Variants in SLC28A1 observed in about 807,000 individuals in gnomAD.
SLC28A1 encodes solute carrier family 28 member 1.
SLC28A1 carries 64 observed loss-of-function variants against 74.8 expected under a neutral mutation model. The ratio of observed to expected loss-of-function variants is 0.86; its 90% CI spans 0.70 to 1.05. The LOEUF (loss-of-function observed/expected upper bound fraction) is 1.05. Ranked by LOEUF, SLC28A1 falls within the 50% of genes least tolerant of loss-of-function variation. The pLI is 0.00. For missense variants in SLC28A1, 828 were observed against 822.8 expected (o/e 1.01, Z -0.08); for synonymous variants, 359 against 335.0 (o/e 1.07, Z -0.78).
At chr15:84,903,945 G>A in intron 6 of SLC28A1, 152 bp from the exon 7 acceptor site, 1 of 994,968 alleles carries the variant, frequency 1.0e-6, no homozygotes, top group Non-Finnish European at 1.5e-6. Context: ...CCCAGCATGT[G>A]GTTCCAGAGC....
the SLC28A1 span, among the ~76,000 whole-genome samples, chr15:84,961,023 C>T: frequency 1.3e-5 from 2 of 152,084 alleles, no homozygotes; most frequent in Non-Finnish European, 2.9e-5. Context: ...GGTTGAGTTC[C>T]GGCTCCACTT....
At chr15:84,918,477 A>C (rs1233840442) in intron 9 of SLC28A1, 47 bp from the exon 10 acceptor site, 1 of 1,513,290 alleles carries the variant, frequency 6.6e-7, no homozygotes, top group Non-Finnish European at 9.2e-7. Context: ...GGCACCCTGC[A>C]TCCTGCCTGC....
intron 6 of SLC28A1, among the ~76,000 whole-genome samples, chr15:84,901,669 C>T (rs1966707455): frequency 6.6e-6 from 1 of 152,146 alleles, no homozygotes; most frequent in African/African-American, 2.4e-5. Context: ...AGAGATATTA[C>T]CATATGCTGA....
At chr15:84,915,651 C>T (rs961109114) in intron 9 of SLC28A1, among the ~76,000 whole-genome samples, 3 of 152,160 alleles carry the variant, frequency 2.0e-5, no homozygotes, top group Non-Finnish European at 2.9e-5. Context: ...GTTGCTAAGT[C>T]CCAGGGGTCT....
intron 8 of SLC28A1, among the ~76,000 whole-genome samples, chr15:84,907,347 G>C (rs544510322): frequency 6.6e-6 from 1 of 152,186 alleles, no homozygotes; most frequent in African/African-American, 2.4e-5. Flanking sequence ...TATGAGACTA[G>C]CTAATTTTTC....
chr15:84,930,581 T>C (rs755809567), intron 12 of SLC28A1, among the ~76,000 whole-genome samples: 3 of 150,582 alleles, frequency 2.0e-5, no homozygotes, highest in Non-Finnish European at 4.4e-5. Flanking sequence ...TTCCCTGAGA[T>C]GGTAATGAGG....
At chr15:84,926,893 C>T (rs2141958038) in intron 12 of SLC28A1, among the ~76,000 whole-genome samples, 1 of 152,160 alleles carries the variant, frequency 6.6e-6, no homozygotes. Context: ...TCATCTCTGT[C>T]CCTGGGGATG....
chr15:84,920,703 G>GT (rs113735505), intron 10 of SLC28A1, among the ~76,000 whole-genome samples: 2 of 137,282 alleles, frequency 1.5e-5, no homozygotes, highest in African/African-American at 5.1e-5. Context: ...ATCTCCAAGG[G>GT]GTGTGTGTGT....
chr15:84,900,972 C>T (rs1455823578), intron 6 of SLC28A1, among the ~76,000 whole-genome samples: 2 of 152,102 alleles, frequency 1.3e-5, no homozygotes, highest in African/African-American at 4.8e-5. Flanking sequence ...GCCTGTAATC[C>T]CAGCACTTTG....
the SLC28A1 span, among the ~76,000 whole-genome samples, chr15:84,960,846 A>G: frequency 6.6e-6 from 1 of 151,332 alleles, no homozygotes; most frequent in African/African-American, 2.4e-5. Context: ...TTGCTTTATA[A>G]ATCTTTTCTT....
chr15:84,968,900 A>G, the SLC28A1 span, among the ~76,000 whole-genome samples: 422 of 152,276 alleles, frequency 2.8e-3, 3 homozygotes, highest in African/African-American at 9.3e-3. Context: ...AGCCCAGCCC[A>G]TCAGCCCGGG....
chr15:84,944,498 C>G, intron 16 of SLC28A1, 68 bp from the exon 17 acceptor site: 1 of 1,075,946 alleles, frequency 9.3e-7, no homozygotes, highest in Non-Finnish European at 1.4e-6. Flanking sequence ...AGATGCAGCC[C>G]GAGCTGCGGA....
intron 6 of SLC28A1, among the ~76,000 whole-genome samples, chr15:84,897,639 A>T (rs768078603): frequency 6.6e-6 from 1 of 152,202 alleles, no homozygotes; most frequent in Non-Finnish European, 1.5e-5. Flanking sequence ...TTATGTTAGA[A>T]CTATTCAAAT....
At chr15:84,895,496 G>A (rs1004088991) in intron 6 of SLC28A1, 27 of 1,595,474 alleles carry the variant, frequency 1.7e-5, no homozygotes, top group Middle Eastern at 2.1e-4. Flanking sequence ...AGGCTCGATC[G>A]GGGTCCAGGT....
At chr15:84,886,236 T>C (rs1472202297) in intron 1 of SLC28A1, 1 of 985,326 alleles carries the variant, frequency 1.0e-6, no homozygotes, top group East Asian at 1.1e-4. Context: ...CTACACTGCT[T>C]TCCTCATTTT....
chr15:84,972,055 C>G, the SLC28A1 span, among the ~76,000 whole-genome samples: 1 of 152,222 alleles, frequency 6.6e-6, no homozygotes, highest in African/African-American at 2.4e-5. Flanking sequence ...TTCCAGGCAC[C>G]CATACATGTC....
At position 84,935,087 on chromosome 15, in the gene SLC28A1, G is replaced by C. The variant is rs756560777; in HGVS notation, c.1276G>C (p.Ala426Pro). 2 of 1,614,010 alleles carry C rather than the reference G, an allele frequency of 1.2e-6. No homozygotes were observed. The highest frequency in any genetic ancestry group is 1.7e-6 in the Non-Finnish European group (2 of 1,179,872). Residue 426 changes from alanine (A) to proline (P), a missense_variant, in exon 14 of 19, where the codon GCC becomes CCC. Coordinates refer to ENST00000394573, the MANE Select transcript of SLC28A1 (RefSeq NM_004213.5). ...GGCCGCCATCTCCGTGAAGGTGGTC[G>C]CCAACATCGCTGCCAACCTGATTGC... ...TGAAISVKVV[A>P]NIAANLIAFL...
chr15:84,935,520 T>A lies in SLC28A1; in HGVS notation c.1581+2T>A. 1 of 1,611,974 alleles carries A rather than the reference T, an allele frequency of 6.2e-7. No individual in the cohort carries two copies. Among genetic ancestry groups the A allele is most frequent in the Non-Finnish European group, 8.5e-7 (1 of 1,179,324 alleles). ...GGCGACAGGAAGCAGTGGATCTCCG[T>A]GAGTGTCCCAGTCCCTTCCCTGCAG... On this transcript the variant is annotated splice_donor_variant, in intron 15 of 18. Coordinates refer to ENST00000394573, the MANE Select transcript of SLC28A1 (RefSeq NM_004213.5). LOFTEE classifies it high-confidence loss of function.
At chr15:84,904,496 C>T (rs1966862564) in intron 7 of SLC28A1, among the ~76,000 whole-genome samples, 1 of 152,212 alleles carries the variant, frequency 6.6e-6, no homozygotes, top group African/African-American at 2.4e-5. Context: ...TCTGGTCAGT[C>T]TAATCCTGGT....
Sources: allele counts gnomAD v4.1 joint callset (sites outside exome capture counted in the v4.1 genomes callset), GRCh38; gene constraint gnomAD v4.1.1; transcripts MANE v1.5; gene names NCBI Gene and HGNC (gene_info 2026-07-23, HGNC 2026-07-21).